The following MYH9 variants were observed in gnomAD, a reference collection of about 807,000 sequenced individuals.
The protein encoded by MYH9 is myosin-9.
In MYH9, 29 loss-of-function variants were observed where a neutral mutation model predicts 241.9. That is an observed-to-expected ratio of 0.12 (90% CI 0.09 to 0.16). The LOEUF (loss-of-function observed/expected upper bound fraction) is 0.16. MYH9 is among the 10% of genes least tolerant of loss of function. The pLI, the probability that MYH9 is intolerant of heterozygous loss-of-function variation, is 1.00. For missense variants in MYH9, 1,803 were observed against 2,595.5 expected (o/e 0.69, Z 6.63); for synonymous variants, 1,047 against 1,062.6 (o/e 0.99, Z 0.29).
intron 1 of MYH9, among the ~76,000 whole-genome samples, chr22:36,375,241 C>T (rs564587054): frequency 1.2e-3 from 190 of 152,292 alleles, no homozygotes; most frequent in African/African-American, 4.0e-3. Context: ...TGGCAGGTTG[C>T]CTGGCTAGCT....
intron 35 of MYH9, 99 bp from the exon 36 acceptor site, chr22:36,286,052 C>T: frequency 7.8e-7 from 1 of 1,274,556 alleles, no homozygotes; most frequent in Non-Finnish European, 1.1e-6. Flanking sequence ...CTTCCCCAGG[C>T]CCACCTCCCC....
intron 13 of MYH9, among the ~76,000 whole-genome samples, chr22:36,313,047 G>A (rs975985094): frequency 2.2e-4 from 33 of 150,434 alleles, no homozygotes; most frequent in African/African-American, 7.6e-4. Flanking sequence ...CCGAGAGCAC[G>A]CCATTGCACT....
At chr22:36,303,967 C>T (rs758936041) in intron 19 of MYH9, 28 bp downstream of exon 19, 49 of 1,611,420 alleles carry the variant, frequency 3.0e-5, no homozygotes, top group Admixed American at 6.7e-5. Context: ...GCCTGGCATG[C>T]GGGGCAGGAG....
At chr22:36,366,237 G>A (rs1299085168) in intron 1 of MYH9, among the ~76,000 whole-genome samples, 28 of 151,866 alleles carry the variant, frequency 1.8e-4, no homozygotes, top group Admixed American at 1.8e-3. Flanking sequence ...CTCACTTCAC[G>A]ACCCACCGAT....
chr22:36,322,675 C>G (rs947790270), intron 5 of MYH9, among the ~76,000 whole-genome samples, 154 bp from the exon 6 acceptor site: 1 of 152,254 alleles, frequency 6.6e-6, no homozygotes, highest in Admixed American at 6.5e-5. Context: ...GCGACTCCAA[C>G]CAAGGCCAGG....
chr22:36,383,031 G>A (rs923663132), intron 1 of MYH9, among the ~76,000 whole-genome samples: 35 of 151,642 alleles, frequency 2.3e-4, no homozygotes, highest in Admixed American at 2.0e-3. Flanking sequence ...GACTAGCCTA[G>A]GCAATACAGC....
Position 36,300,074 on chromosome 22 carries a change from C to T in MYH9, c.2976+53G>A. 6.2e-7 allele frequency: 1 copy of T among 1,602,716 alleles called. No homozygotes were observed. Among genetic ancestry groups the T allele is most frequent in the Non-Finnish European group, 8.5e-7 (1 of 1,179,710 alleles). ...CAGGCCCTGCAAGGGTGACCACACT[C>T]TCCCATCCACGGCGCCCCTGGAGCA... On this transcript the variant is annotated intron_variant, in intron 23 of 40. Transcript: ENST00000216181. This position sits in a 1 kb window ranked among gnomAD's most constrained non-coding sequence, Gnocchi z 5.0.
intron 1 of MYH9, among the ~76,000 whole-genome samples, chr22:36,382,158 A>C (rs1424738422): frequency 2.2e-4 from 33 of 152,092 alleles, no homozygotes; most frequent in Admixed American, 2.1e-3. Flanking sequence ...AGGGTTGTAC[A>C]ATATACACTC....
At chr22:36,310,631 G>T (rs2017046030) in intron 14 of MYH9, among the ~76,000 whole-genome samples, 1 of 152,210 alleles carries the variant, frequency 6.6e-6, no homozygotes, top group Admixed American at 6.5e-5. Context: ...CATGAGGTAG[G>T]TGATGCCAGT....
intron 1 of MYH9, among the ~76,000 whole-genome samples, chr22:36,359,271 C>T (rs745713047): frequency 6.6e-6 from 1 of 152,308 alleles, no homozygotes; most frequent in Middle Eastern, 3.4e-3. Context: ...TGGCCCAGAG[C>T]AGGTGCTCAG....
chr22:36,357,098 C>G (rs1179750905), intron 1 of MYH9, among the ~76,000 whole-genome samples: 1 of 152,188 alleles, frequency 6.6e-6, no homozygotes, highest in Non-Finnish European at 1.5e-5. Context: ...AACATTCATG[C>G]AGAGAGGAAG....
chr22:36,327,520 G>T, intron 3 of MYH9, 32 bp from the exon 4 acceptor site: 1 of 1,613,522 alleles, frequency 6.2e-7, no homozygotes, highest in Non-Finnish European at 8.5e-7. Context: ...ATTAACTCCC[G>T]CCAGATGCAA....
chr22:36,330,984 A>C lies in MYH9; in HGVS notation c.491-3496T>G, dbSNP rs1481334998. 2.0e-5 allele frequency among the ~76,000 whole-genome samples: 3 copies of C among 152,156 alleles called. No individual in the cohort carries two copies. Among genetic ancestry groups the C allele is most frequent in the Non-Finnish European group, 2.9e-5 (2 of 68,040 alleles). On this transcript the variant is annotated intron_variant, in intron 3 of 40. Transcript: ENST00000216181. The surrounding 1 kb of genome is among the most constrained non-coding windows in gnomAD (Gnocchi z 4.5). ...GTAGTTTTCAGACTTTTCAAAAAGC[A>C]GCGGCAGTCCTTCCTCAGATAAAAT...
intron 1 of MYH9, among the ~76,000 whole-genome samples, chr22:36,364,611 C>G (rs1421176761): frequency 6.6e-6 from 1 of 152,202 alleles, no homozygotes; most frequent in Non-Finnish European, 1.5e-5. Context: ...CCCTGCCTCA[C>G]TGATAACTAT....
At chr22:36,336,068 A>G (rs903586840) in intron 3 of MYH9, among the ~76,000 whole-genome samples, 1 of 152,232 alleles carries the variant, frequency 6.6e-6, no homozygotes, top group Non-Finnish European at 1.5e-5. Context: ...AGACTGGCAC[A>G]GAGCAAAGGG....
Position 36,334,051 on chromosome 22 carries a change from C to A in MYH9, c.491-6563G>T, listed in dbSNP as rs5995284. On this transcript the variant is annotated intron_variant, in intron 3 of 40. Coordinates refer to ENST00000216181, the MANE Select transcript of MYH9 (RefSeq NM_002473.6). Reference sequence around the variant, plus strand: ...TCCTTTTTATCTCCCGCTCAGTGGGCCCAGAGCAAAGCATGGTGGGCCTGT... The same window carrying A: ...TCCTTTTTATCTCCCGCTCAGTGGGACCAGAGCAAAGCATGGTGGGCCTGT... Among the ~76,000 whole-genome samples, 799 of 151,960 alleles carry A rather than the reference C, an allele frequency of 5.3e-3. 10 individuals are homozygous for A. Among genetic ancestry groups the A allele is most frequent in the African/African-American group, 0.018 (742 of 41,410 alleles).
Position 36,286,859 on chromosome 22 carries a change from C to T in MYH9, c.4933-13G>A, listed in dbSNP as rs747037324. The T allele has an allele frequency of 3.7e-6, 6 of 1,604,330 alleles. No individual in the cohort carries two copies. Among genetic ancestry groups the T allele is most frequent in the Admixed American group, 3.3e-5 (2 of 60,012 alleles). On this transcript the variant is annotated splice_polypyrimidine_tract_variant and intron_variant, in intron 34 of 40. Transcript: ENST00000216181. ...CCTTCATCTGGGCCTGGGGTGGGGA[C>T]AGAGGCTTGGCACCCCACCCAGCTC...
At chr22:36,287,004 A>G (rs1287287990) in intron 34 of MYH9, 158 bp from the exon 35 acceptor site, 3 of 999,958 alleles carry the variant, frequency 3.0e-6, no homozygotes, top group South Asian at 2.8e-5. Flanking sequence ...GCAACTAAAG[A>G]CAATCATCTG....
intron 28 of MYH9, 51 bp downstream of exon 28, chr22:36,294,041 A>G: frequency 6.3e-7 from 1 of 1,595,356 alleles, no homozygotes; most frequent in Non-Finnish European, 8.5e-7. Flanking sequence ...CCTGGGCCAC[A>G]ACTGCTGCTA....
Sources: gnomAD v4.1 joint callset for allele counts (sites outside exome capture counted in the v4.1 genomes callset) on GRCh38, gnomAD v4.1.1 for gene constraint, Gnocchi (gnomAD v3.1) non-coding constraint, MANE v1.5 for transcripts, NCBI Gene and HGNC (gene_info 2026-07-23, HGNC 2026-07-21) for gene names.